Variants in DAB1 observed in about 807,000 individuals in gnomAD.
The protein encoded by DAB1 is disabled homolog 1.
DAB1 carries 15 observed loss-of-function variants against 64.6 expected under a neutral mutation model. The ratio of observed to expected loss-of-function variants is 0.23; its 90% confidence interval spans 0.16 to 0.36. The LOEUF (loss-of-function observed/expected upper bound fraction) is 0.36. DAB1 is among the 10% of genes least tolerant of loss of function. The pLI, the probability that DAB1 is intolerant of heterozygous loss-of-function variation, is 1.00. For synonymous variants in DAB1, 235 were observed against 251.9 expected (o/e 0.93, Z 0.64); for missense variants, 596 against 706.7 (o/e 0.84, Z 1.78).
chr1:57,407,754 G>A (rs1683763186), intron 1 of DAB1, among the ~76,000 whole-genome samples: 1 of 150,132 alleles, frequency 6.7e-6, no homozygotes, highest in African/African-American at 2.5e-5. Flanking sequence ...AGATGGAAGA[G>A]GAAGATATCT....
chr1:57,468,534 T>C (rs17115844), intron 7 of DAB1, among the ~76,000 whole-genome samples: 9,709 of 152,254 alleles, frequency 0.064, 969 homozygotes, highest in African/African-American at 0.21. Context: ...GATCTCAGTA[T>C]CTTACAGAGT....
chr1:58,505,403 T>C (rs926612540), intron 3 of DAB1, among the ~76,000 whole-genome samples: 2 of 152,280 alleles, frequency 1.3e-5, no homozygotes, highest in South Asian at 4.1e-4. Flanking sequence ...ATGCCTAACA[T>C]CCATTTTGTC....
intron 5 of DAB1, among the ~76,000 whole-genome samples, chr1:57,918,573 C>T (rs1557555515): frequency 6.6e-6 from 1 of 152,108 alleles, no homozygotes; most frequent in Non-Finnish European, 1.5e-5. Context: ...ACCTGTAATC[C>T]CAGCACTTTG....
At chr1:58,451,401 TGATAACTA>T (rs1315898416) in intron 3 of DAB1, among the ~76,000 whole-genome samples, 1 of 152,184 alleles carries the variant, frequency 6.6e-6, no homozygotes, top group Non-Finnish European at 1.5e-5. Context: ...CCCTGACACA[TGATAACTA>T]AATGTAATAA....
chr1:57,853,482 C>T (rs78933271), intron 1 of DAB1, among the ~76,000 whole-genome samples: 4,659 of 152,086 alleles, frequency 0.031, 109 homozygotes, highest in East Asian at 0.13. Flanking sequence ...GTGATTGACA[C>T]CATAAGAAGA....
At chr1:57,370,511 T>C (rs1043210022) in intron 1 of DAB1, among the ~76,000 whole-genome samples, 2 of 151,944 alleles carry the variant, frequency 1.3e-5, no homozygotes, top group Non-Finnish European at 2.9e-5. Flanking sequence ...AGGAAAACCA[T>C]CATCTATATG....
chr1:57,010,282 G>T (rs1646223559), intron 14 of DAB1, among the ~76,000 whole-genome samples: 1 of 152,076 alleles, frequency 6.6e-6, no homozygotes, highest in Admixed American at 6.6e-5. Flanking sequence ...GAAACTAAAT[G>T]CATGCTAAGT....
intron 5 of DAB1, among the ~76,000 whole-genome samples, chr1:57,962,099 A>G (rs1032658174): frequency 6.6e-6 from 1 of 152,068 alleles, no homozygotes; most frequent in African/African-American, 2.4e-5. Flanking sequence ...AAGTCAAATG[A>G]TCCCAATTCA....
At chr1:57,389,181 A>G (rs937740388) in intron 1 of DAB1, among the ~76,000 whole-genome samples, 18 of 152,300 alleles carry the variant, frequency 1.2e-4, no homozygotes, top group South Asian at 2.1e-4. Context: ...TTTCTCTCCT[A>G]CACCCGTAAA....
At chr1:57,198,776 T>C (rs1664859035) in intron 2 of DAB1, among the ~76,000 whole-genome samples, 1 of 151,386 alleles carries the variant, frequency 6.6e-6, no homozygotes, top group Non-Finnish European at 1.5e-5. Context: ...AGGAGGTGAT[T>C]AGGTGTTTCA....
intron 11 of DAB1, among the ~76,000 whole-genome samples, chr1:57,017,385 G>A (rs1251163040): frequency 1.3e-5 from 2 of 152,278 alleles, no homozygotes; most frequent in Admixed American, 6.5e-5. Context: ...ATGGGTGGGC[G>A]TTACGGCATT....
At chr1:57,710,045 G>A (rs1335867793) in intron 6 of DAB1, among the ~76,000 whole-genome samples, 1 of 152,082 alleles carries the variant, frequency 6.6e-6, no homozygotes, top group Admixed American at 6.5e-5. Context: ...CCTTGCGGAG[G>A]ACTCCTTTTA....
intron 5 of DAB1, among the ~76,000 whole-genome samples, chr1:58,011,007 T>C (rs1442367706): frequency 6.6e-6 from 1 of 152,210 alleles, no homozygotes; most frequent in Non-Finnish European, 1.5e-5. Flanking sequence ...TTTTACTCCA[T>C]TTTTACCAAA....
intron 3 of DAB1, among the ~76,000 whole-genome samples, chr1:58,430,766 C>T (rs1399376951): frequency 2.6e-5 from 4 of 152,202 alleles, no homozygotes; most frequent in South Asian, 2.1e-4. Flanking sequence ...ACAAACCTTG[C>T]TTTTCCTAAA....
intron 5 of DAB1, among the ~76,000 whole-genome samples, chr1:57,999,419 G>A (rs1484639331): frequency 6.6e-6 from 1 of 152,148 alleles, no homozygotes. Context: ...AGCACTTTGT[G>A]TTTTAACAAG....
At chr1:57,052,773 T>C (rs1167198540) in intron 9 of DAB1, among the ~76,000 whole-genome samples, 1 of 152,224 alleles carries the variant, frequency 6.6e-6, no homozygotes, top group African/African-American at 2.4e-5. Context: ...GAATACCTTA[T>C]AGAACCATTG....
chr1:58,100,895 G>A (rs1163338973), intron 5 of DAB1, among the ~76,000 whole-genome samples: 2 of 152,080 alleles, frequency 1.3e-5, no homozygotes, highest in African/African-American at 2.4e-5. Context: ...CAAAAGAGTC[G>A]GGTAAGGTCC....
chr1:57,608,523 C>T (rs965350146), intron 7 of DAB1, among the ~76,000 whole-genome samples: 2 of 152,152 alleles, frequency 1.3e-5, no homozygotes, highest in Admixed American at 6.5e-5. Flanking sequence ...TGAGTAAAAA[C>T]CTGCACTTAT....
chr1:57,407,390 G>A (rs909627880), intron 1 of DAB1, among the ~76,000 whole-genome samples: 2 of 152,198 alleles, frequency 1.3e-5, no homozygotes, highest in African/African-American at 2.4e-5. Flanking sequence ...AGAGAGTTCT[G>A]CCATCATTCA....
Sources: gnomAD v4.1 joint callset for allele counts (sites outside exome capture counted in the v4.1 genomes callset) on GRCh38, gnomAD v4.1.1 for gene constraint, MANE v1.5 for transcripts, NCBI Gene and HGNC (gene_info 2026-07-23, HGNC 2026-07-21) for gene names.